CDH18: variants seen among roughly 807,000 people sequenced by gnomAD.
CDH18 encodes the protein cadherin-18.
A neutral mutation model predicts 67.9 loss-of-function variants in CDH18; 31 were observed. That is an observed-to-expected ratio of 0.46 (90% CI 0.34 to 0.62). CDH18 has a LOEUF of 0.62. Among genes scored for constraint, CDH18 ranks in the 20% least tolerant of loss-of-function variants. The pLI is 0.01. For missense variants in CDH18, 890 were observed against 975.5 expected (o/e 0.91, Z 1.17); for synonymous variants, 362 against 347.2 (o/e 1.04, Z -0.48).
At chr5:19,729,146 G>A (rs1767258172) in intron 4 of CDH18, among the ~76,000 whole-genome samples, 1 of 152,036 alleles carries the variant, frequency 6.6e-6, no homozygotes, top group African/African-American at 2.4e-5. Flanking sequence ...CTTATTTATG[G>A]CACTAACTAA....
chr5:19,972,417 G>C (rs1352890447), intron 2 of CDH18, among the ~76,000 whole-genome samples: 1 of 152,056 alleles, frequency 6.6e-6, no homozygotes, highest in Non-Finnish European at 1.5e-5. Flanking sequence ...GCATCCAAAT[G>C]GTAAAAGTTG....
intron 2 of CDH18, among the ~76,000 whole-genome samples, chr5:19,889,159 G>A (rs1345816503): frequency 6.6e-6 from 1 of 151,876 alleles, no homozygotes; most frequent in Non-Finnish European, 1.5e-5. Context: ...TACATTTTCT[G>A]TACAAAGCCA....
intron 9 of CDH18, among the ~76,000 whole-genome samples, chr5:19,537,368 C>A (rs1749583559): frequency 6.6e-6 from 1 of 151,352 alleles, no homozygotes. Context: ...ACCTGTTCCC[C>A]CTCTCTCTTT....
At chr5:19,930,624 G>A (rs969131137) in intron 2 of CDH18, among the ~76,000 whole-genome samples, 2 of 151,924 alleles carry the variant, frequency 1.3e-5, no homozygotes, top group African/African-American at 4.8e-5. Flanking sequence ...TACGTGAGAA[G>A]ATAAATAAAA....
chr5:20,103,064 T>G (rs1465010818), intron 2 of CDH18, among the ~76,000 whole-genome samples: 1 of 152,304 alleles, frequency 6.6e-6, no homozygotes, highest in South Asian at 2.1e-4. Flanking sequence ...AGGGTGAGCA[T>G]ATCAGTAACT....
At chr5:20,180,425 T>C (rs1041787719) in intron 2 of CDH18, among the ~76,000 whole-genome samples, 1 of 152,212 alleles carries the variant, frequency 6.6e-6, no homozygotes, top group Admixed American at 6.5e-5. Flanking sequence ...CAACTGTTAC[T>C]GCTGATTAAT....
Position 20,464,824 on chromosome 5 carries a change from T to C in CDH18, c.-580+110638A>G, listed in dbSNP as rs77574482. On this transcript the variant is annotated intron_variant, in intron 1 of 14. Transcript: ENST00000507958. Reference sequence around the variant, plus strand: ...ATGCTATAAATAAAACCCTGGGAAATAGCTGTGTTACTATGCATTAGGAAC... The same window carrying C: ...ATGCTATAAATAAAACCCTGGGAAACAGCTGTGTTACTATGCATTAGGAAC... Among the ~76,000 whole-genome samples, 1,275 of 152,140 alleles carry C rather than the reference T, an allele frequency of 8.4e-3. 14 individuals are homozygous for C. The highest frequency in any genetic ancestry group is 0.029 in the African/African-American group (1,209 of 41,512).
At chr5:19,924,112 AACT>A (rs1792820425) in intron 2 of CDH18, among the ~76,000 whole-genome samples, 1 of 152,208 alleles carries the variant, frequency 6.6e-6, no homozygotes, top group African/African-American at 2.4e-5. Flanking sequence ...CATAGTTTTC[AACT>A]ATGAATTTAT....
chr5:20,241,797 A>C (rs1742919076), intron 2 of CDH18, among the ~76,000 whole-genome samples: 1 of 150,776 alleles, frequency 6.6e-6, no homozygotes, highest in Admixed American at 6.6e-5. Context: ...GCTTGCAGTG[A>C]GCCAAGATTG....
intron 2 of CDH18, among the ~76,000 whole-genome samples, chr5:19,928,446 C>A (rs1698357444): frequency 6.6e-6 from 1 of 152,050 alleles, no homozygotes; most frequent in Non-Finnish European, 1.5e-5. Flanking sequence ...ACTTTTGTAT[C>A]TGATTTAGAA....
At chr5:20,429,962 T>A (rs966686135) in intron 1 of CDH18, among the ~76,000 whole-genome samples, 4 of 152,166 alleles carry the variant, frequency 2.6e-5, no homozygotes, top group African/African-American at 9.6e-5. Context: ...ATACAAGTAT[T>A]TCCCAGGAAG....
At position 19,861,301 on chromosome 5, in the gene CDH18, T is replaced by C. The variant is rs999098150; in HGVS notation, c.-256-22059A>G. Among the ~76,000 whole-genome samples, 5 of 146,640 alleles carry C rather than the reference T, an allele frequency of 3.4e-5. 1 individual carries two copies. The East Asian group carries it at 1.0e-3, about 29-fold the overall frequency. On this transcript the variant is annotated intron_variant, in intron 2 of 12. Coordinates refer to ENST00000382275, the MANE Select transcript of CDH18 (RefSeq NM_004934.5). ...AGAGGTACAGATGGGTTTTTTTTTA[T>C]ATCTGGGGACAGAGAACCAGGCTGA...
At chr5:20,037,758 T>C (rs1740016505) in intron 2 of CDH18, among the ~76,000 whole-genome samples, 1 of 151,920 alleles carries the variant, frequency 6.6e-6, no homozygotes, top group African/African-American at 2.4e-5. Context: ...GTGGGAAAGA[T>C]CTAAAATTGA....
chr5:19,901,946 ACAT>A (rs1386190449), intron 2 of CDH18, among the ~76,000 whole-genome samples: 1 of 152,066 alleles, frequency 6.6e-6, no homozygotes, highest in East Asian at 1.9e-4. Context: ...GTCTCTGAAA[ACAT>A]CATGATACTC....
intron 2 of CDH18, among the ~76,000 whole-genome samples, chr5:20,189,785 T>C (rs2126713321): frequency 6.6e-6 from 1 of 152,246 alleles, no homozygotes; most frequent in Non-Finnish European, 1.5e-5. Context: ...TTGGTTTCCT[T>C]TTTCATGAAA....
At chr5:20,384,207 A>G (rs1199066449) in intron 1 of CDH18, among the ~76,000 whole-genome samples, 5 of 152,160 alleles carry the variant, frequency 3.3e-5, no homozygotes, top group African/African-American at 1.2e-4. Context: ...TAACTTATTC[A>G]GCTTGTATAG....
At chr5:19,584,821 G>GAAAAAGAAAAAGA (rs369261997) in intron 7 of CDH18, among the ~76,000 whole-genome samples, 1 of 122,510 alleles carries the variant, frequency 8.2e-6, no homozygotes, top group Admixed American at 8.2e-5. Flanking sequence ...AAGAAAAAAA[G>GAAAAAGAAAAAGA]AAAAAGAAAA....
At chr5:20,386,691 T>C (rs1369557131) in intron 1 of CDH18, among the ~76,000 whole-genome samples, 3 of 152,156 alleles carry the variant, frequency 2.0e-5, no homozygotes, top group African/African-American at 7.2e-5. Context: ...TTATATATGA[T>C]ATTCAATTTT....
intron 5 of CDH18, among the ~76,000 whole-genome samples, chr5:19,661,503 C>T (rs1757170900): frequency 6.6e-6 from 1 of 151,506 alleles, no homozygotes; most frequent in Non-Finnish European, 1.5e-5. Flanking sequence ...TCACATATTG[C>T]CTTTTAACAA....
Sources: gnomAD v4.1 joint callset for allele counts (sites outside exome capture counted in the v4.1 genomes callset) on GRCh38, gnomAD v4.1.1 for gene constraint, MANE v1.5 for transcripts, NCBI Gene and HGNC (gene_info 2026-07-23, HGNC 2026-07-21) for gene names.